The following PHLDB2 variants were observed in gnomAD, a reference collection of about 807,000 sequenced individuals.
The protein encoded by PHLDB2 is pleckstrin homology like domain family B member 2.
PHLDB2 carries 71 observed loss-of-function variants against 123.6 expected under a neutral mutation model. The ratio of observed to expected loss-of-function variants is 0.57; its 90% CI spans 0.47 to 0.70. PHLDB2 has a LOEUF of 0.70. PHLDB2 is among the 30% of genes least tolerant of loss of function. The pLI is 0.00. For missense variants in PHLDB2, 1,446 were observed against 1,519.5 expected (o/e 0.95, Z 0.80); for synonymous variants, 547 against 541.6 (o/e 1.01, Z -0.14).
chr3:111,876,619 G>A (rs1180887706), intron 1 of PHLDB2, among the ~76,000 whole-genome samples: 1 of 152,114 alleles, frequency 6.6e-6, no homozygotes, highest in South Asian at 2.1e-4. Context: ...TGTGCAGAAC[G>A]TGCAGGTTTG....
intron 12 of PHLDB2, 124 bp downstream of exon 12, chr3:111,954,153 C>A: frequency 1.3e-6 from 1 of 751,230 alleles, no homozygotes; most frequent in Non-Finnish European, 2.1e-6. Flanking sequence ...TAATTTTACT[C>A]TTAATGTGTT....
chr3:111,834,229 T>TTC (rs2063272035), intron 1 of PHLDB2, among the ~76,000 whole-genome samples: 2 of 50,598 alleles, frequency 4.0e-5, no homozygotes, highest in Admixed American at 2.2e-4. Flanking sequence ...TATATATATA[T>TTC]TATGTATATA....
intron 1 of PHLDB2, among the ~76,000 whole-genome samples, chr3:111,777,781 T>C (rs1187185676): frequency 6.6e-6 from 1 of 152,140 alleles, no homozygotes; most frequent in Non-Finnish European, 1.5e-5. Flanking sequence ...CTGATTCCTC[T>C]TCAAAGAAAT....
Position 111,884,852 on chromosome 3 carries a change from T to C in PHLDB2, c.775T>C (p.Leu259=). The change falls in exon 2 of 18, where the codon TTG becomes CTG. Residue 259 remains leucine, a synonymous_variant. Coordinates refer to ENST00000431670, the MANE Select transcript of PHLDB2 (RefSeq NM_001134438.2). ...AGCCTACAGCCGATCACTTCCCAGG[T>C]TGTACAGAGCCACAGAGAACCAGCT... ...MGAYSRSLPR[L]YRATENQLTP... 3.1e-6 allele frequency: 5 copies of C among 1,614,090 alleles called. No individual in the cohort carries two copies. The highest frequency in any genetic ancestry group is 4.2e-6 in the Non-Finnish European group (5 of 1,180,006).
At chr3:111,939,442 G>T (rs773260893) in intron 6 of PHLDB2, 33 bp from the exon 7 acceptor site, 3 of 1,582,044 alleles carry the variant, frequency 1.9e-6, no homozygotes, top group Non-Finnish European at 1.7e-6. Flanking sequence ...AGTTATCTCA[G>T]TGTGTCTTGT....
chr3:111,962,233 G>C lies in PHLDB2; in HGVS notation c.2998G>C (p.Ala1000Pro). ...HYPDHSYKDQ[A>P]FDTLSLDSSD... ...TCCAGATCACAGCTACAAGGACCAG[G>C]CCTTTGATACTCTGAGCCTCGATAG... Residue 1000 changes from alanine (A) to proline (P), a missense_variant, in exon 13 of 18, where the codon GCC becomes CCC. By Grantham distance (27) the Ala-to-Pro change is conservative. This residue lies in a region of PHLDB2 where 594 missense variants were observed against 646.0 expected (regional missense o/e 0.92). Transcript: ENST00000431670. 5 of 1,580,700 alleles carry C rather than the reference G, an allele frequency of 3.2e-6. No homozygotes were observed. The highest frequency in any genetic ancestry group is 4.3e-6 in the Non-Finnish European group (5 of 1,171,066).
intron 2 of PHLDB2, 82 bp downstream of exon 2, chr3:111,885,494 A>G: frequency 6.5e-6 from 10 of 1,528,922 alleles, no homozygotes; most frequent in Non-Finnish European, 9.0e-6. Flanking sequence ...GGACTCCAGG[A>G]TATGTGGGAA....
At chr3:111,877,670 G>T (rs2065703900) in intron 1 of PHLDB2, among the ~76,000 whole-genome samples, 1 of 152,042 alleles carries the variant, frequency 6.6e-6, no homozygotes, top group African/African-American at 2.4e-5. Flanking sequence ...GTATTGCCTA[G>T]GTTTTCTTCT....
intron 15 of PHLDB2, among the ~76,000 whole-genome samples, chr3:111,968,841 A>G (rs2071981604): frequency 6.6e-6 from 1 of 152,184 alleles, no homozygotes; most frequent in Non-Finnish European, 1.5e-5. Flanking sequence ...ATGCGTGTTT[A>G]CTATCTGAAG....
chr3:111,850,718 C>T (rs1431431785), intron 2 of PHLDB2, among the ~76,000 whole-genome samples: 1 of 152,054 alleles, frequency 6.6e-6, no homozygotes, highest in Non-Finnish European at 1.5e-5. Context: ...TCTATGATTA[C>T]ACCACTATAC....
At chr3:111,783,735 AT>A (rs1476102751) in intron 1 of PHLDB2, among the ~76,000 whole-genome samples, 1 of 152,204 alleles carries the variant, frequency 6.6e-6, no homozygotes, top group African/African-American at 2.4e-5. Context: ...TCTAGGATAA[AT>A]ATTAAAAGCC....
intron 8 of PHLDB2, among the ~76,000 whole-genome samples, chr3:111,944,709 C>T (rs1382388804): frequency 6.6e-6 from 1 of 151,942 alleles, no homozygotes; most frequent in African/African-American, 2.4e-5. Flanking sequence ...TAGACAGAAT[C>T]TTGCTCTGTC....
At chr3:111,753,707 G>A (rs1475889916) in intron 1 of PHLDB2, among the ~76,000 whole-genome samples, 1 of 152,168 alleles carries the variant, frequency 6.6e-6, no homozygotes, top group African/African-American at 2.4e-5. Context: ...TGGTGTTTTA[G>A]ATATGAAGTC....
chr3:111,770,208 A>G (rs1192316754), intron 1 of PHLDB2, among the ~76,000 whole-genome samples: 1 of 152,144 alleles, frequency 6.6e-6, no homozygotes, highest in Non-Finnish European at 1.5e-5. Flanking sequence ...TTACGTCATC[A>G]ATGTATTTTT....
chr3:111,929,009 C>G (rs1385217646), intron 5 of PHLDB2, among the ~76,000 whole-genome samples: 1 of 152,112 alleles, frequency 6.6e-6, no homozygotes, highest in African/African-American at 2.4e-5. Flanking sequence ...TGCCTATAAT[C>G]CCAGCACTTT....
intron 16 of PHLDB2, among the ~76,000 whole-genome samples, 182 bp downstream of exon 16, chr3:111,970,091 C>T (rs536610961): frequency 6.6e-6 from 1 of 152,144 alleles, no homozygotes; most frequent in South Asian, 2.1e-4. Context: ...ATATGAATTT[C>T]CTTTCTAGAA....
chr3:111,769,217 T>C (rs1318016262), intron 1 of PHLDB2, among the ~76,000 whole-genome samples: 3 of 152,158 alleles, frequency 2.0e-5, no homozygotes, highest in Admixed American at 6.5e-5. Context: ...TGGATGAGGA[T>C]TGGCCTATGA....
At chr3:111,932,669 G>T (rs2069208890) in intron 6 of PHLDB2, among the ~76,000 whole-genome samples, 1 of 151,928 alleles carries the variant, frequency 6.6e-6, no homozygotes. Context: ...AGCTATTTCT[G>T]ATTTGTAACC....
At chr3:111,859,857 G>A (rs763717899) in intron 1 of PHLDB2, 14 of 985,792 alleles carry the variant, frequency 1.4e-5, no homozygotes, top group African/African-American at 3.5e-5. Flanking sequence ...GTAGAGCGGC[G>A]GTTTGGAGGA....
Sources: gnomAD v4.1 joint callset for allele counts (sites outside exome capture counted in the v4.1 genomes callset) on GRCh38, gnomAD v4.1.1 for gene constraint, gnomAD v4.1.1 regional missense constraint, MANE v1.5 for transcripts, NCBI Gene and HGNC (gene_info 2026-07-23, HGNC 2026-07-21) for gene names.